PCP4: variants seen among roughly 807,000 people sequenced by gnomAD.
PCP4 encodes calmodulin regulator protein PCP4.
In PCP4, 8 loss-of-function variants were observed where a neutral mutation model predicts 10.0. The observed-to-expected ratio is 0.80, with a 90% confidence interval of 0.47 to 1.45. The LOEUF (loss-of-function observed/expected upper bound fraction) is 1.45. Ranked by LOEUF, PCP4 falls within the 40% of genes most tolerant of loss-of-function variation. PCP4 has a pLI of 0.00. For synonymous variants in PCP4, 21 were observed against 23.0 expected (o/e 0.91, Z 0.24); for missense variants, 54 against 74.4 (o/e 0.73, Z 1.01).
chr21:39,913,049 A>C (rs972223865), intron 2 of PCP4, among the ~76,000 whole-genome samples: 8 of 152,182 alleles, frequency 5.3e-5, no homozygotes, highest in African/African-American at 1.7e-4. Flanking sequence ...AGGTTACTAT[A>C]TGTAGTTCAG....
chr21:39,893,611 C>T (rs2087443704), intron 1 of PCP4, among the ~76,000 whole-genome samples: 1 of 152,306 alleles, frequency 6.6e-6, no homozygotes, highest in Admixed American at 6.5e-5. Flanking sequence ...TGGCACAGGG[C>T]CAAGGATGCA....
intron 2 of PCP4, among the ~76,000 whole-genome samples, chr21:39,915,677 C>G (rs921099760): frequency 3.9e-5 from 6 of 152,128 alleles, no homozygotes; most frequent in Non-Finnish European, 1.5e-5. Flanking sequence ...GCCATTGCAC[C>G]TACATTTCAG....
In PCP4 at chr21:39,898,507, A is replaced by G; in HGVS notation, c.41A>G (p.Asp14Gly). Residue 14 changes from aspartate to glycine, a missense_variant, in exon 2 of 3, where the codon GAC (aspartate) becomes GGC (glycine). Transcript: ENST00000328619. ...RQGAGATNGK[D>G]KTSGENDGQK... ...GGTGCTGGGGCAACCAATGGAAAAG[A>G]CAAGACATCTGGTGAAAATGGTAAG... The G allele has an allele frequency of 1.2e-6, 2 of 1,614,104 alleles. No individual in the cohort carries two copies. The highest frequency in any genetic ancestry group is 1.1e-5 in the South Asian group (1 of 91,072).
chr21:39,927,445 T>C (rs904901868), intron 2 of PCP4, among the ~76,000 whole-genome samples: 9 of 152,146 alleles, frequency 5.9e-5, no homozygotes, highest in Non-Finnish European at 1.2e-4. Flanking sequence ...CCTCAAGTCC[T>C]CAAGGAACCC....
At chr21:39,894,265 C>T (rs1253810671) in intron 1 of PCP4, among the ~76,000 whole-genome samples, 2 of 152,172 alleles carry the variant, frequency 1.3e-5, no homozygotes, top group Non-Finnish European at 1.5e-5. Flanking sequence ...CTACTACCTG[C>T]TTCCCCAGAA....
chr21:39,897,768 C>T (rs533520980), intron 1 of PCP4, among the ~76,000 whole-genome samples: 9 of 151,804 alleles, frequency 5.9e-5, no homozygotes, highest in Non-Finnish European at 5.9e-5. Context: ...GACATTGGGC[C>T]GGGCGCGGTG....
At chr21:39,872,788 C>T (rs986067377) in intron 1 of PCP4, among the ~76,000 whole-genome samples, 1 of 152,186 alleles carries the variant, frequency 6.6e-6, no homozygotes, top group Non-Finnish European at 1.5e-5. Context: ...CAGGCACCCT[C>T]TTCTCTAAAT....
rs1670520887 is a variant in PCP4, at chr21:39,909,418, T to C, written c.61+10891T>C. ...GCCAAATTATTTGCATATCACTAGGTTTAATTTTAAAATTGTATTTCCTTT... is the reference window on the plus strand; with the variant it reads ...GCCAAATTATTTGCATATCACTAGGCTTAATTTTAAAATTGTATTTCCTTT... On this transcript the variant is annotated intron_variant, in intron 2 of 2. Transcript: ENST00000328619. Among the ~76,000 whole-genome samples the C allele has an allele frequency of 2.0e-5, 3 of 152,332 alleles. No homozygotes were observed. In the South Asian group the frequency reaches 6.2e-4, roughly 32 times the overall value.
intron 2 of PCP4, among the ~76,000 whole-genome samples, chr21:39,907,071 A>C (rs1470717395): frequency 6.6e-6 from 1 of 152,198 alleles, no homozygotes; most frequent in African/African-American, 2.4e-5. Context: ...GATGGTTTAA[A>C]TTTGTAGGTT....
intron 2 of PCP4, among the ~76,000 whole-genome samples, chr21:39,909,200 A>G (rs1198211884): frequency 2.0e-5 from 3 of 152,302 alleles, no homozygotes; most frequent in East Asian, 3.9e-4. Context: ...AGGAGTAGAT[A>G]TTACAGTTAT....
intron 2 of PCP4, among the ~76,000 whole-genome samples, chr21:39,927,458 G>A (rs995577866): frequency 1.3e-5 from 2 of 152,086 alleles, no homozygotes; most frequent in Non-Finnish European, 2.9e-5. Flanking sequence ...AGGAACCCCA[G>A]CTTCCTCCAC....
At chr21:39,869,868 A>G (rs189708751) in intron 1 of PCP4, among the ~76,000 whole-genome samples, 1,534 of 152,306 alleles carry the variant, frequency 0.01, 22 homozygotes, top group African/African-American at 0.035. Context: ...ATTTACTTGC[A>G]TGTGTGACTA....
At chr21:39,922,097 C>T (rs1182604867) in intron 2 of PCP4, among the ~76,000 whole-genome samples, 2 of 152,198 alleles carry the variant, frequency 1.3e-5, no homozygotes, top group African/African-American at 2.4e-5. Flanking sequence ...AGTGACCCTC[C>T]TGCCTCGGCC....
At chr21:39,901,265 T>G (rs1040308578) in intron 2 of PCP4, among the ~76,000 whole-genome samples, 4 of 152,188 alleles carry the variant, frequency 2.6e-5, no homozygotes, top group Non-Finnish European at 5.9e-5. Flanking sequence ...CCAAAAATGT[T>G]TTTGATCTTT....
intron 2 of PCP4, among the ~76,000 whole-genome samples, chr21:39,905,198 C>T (rs556915319): frequency 2.6e-4 from 40 of 152,156 alleles, no homozygotes; most frequent in Admixed American, 4.6e-4. Flanking sequence ...CTCCGGTCTC[C>T]ATCTGGAGGT....
chr21:39,887,613 G>C (rs949857658), intron 1 of PCP4, among the ~76,000 whole-genome samples: 5 of 152,120 alleles, frequency 3.3e-5, no homozygotes, highest in African/African-American at 9.7e-5. Context: ...CAATGTTCCT[G>C]AGAATCCATT....
At chr21:39,891,015 A>G (rs2087427836) in intron 1 of PCP4, among the ~76,000 whole-genome samples, 2 of 152,162 alleles carry the variant, frequency 1.3e-5, no homozygotes, top group Non-Finnish European at 2.9e-5. Context: ...CAGCTCCTAA[A>G]TGTAGCATAC....
At chr21:39,896,755 A>G (rs951387451) in intron 1 of PCP4, among the ~76,000 whole-genome samples, 5 of 152,174 alleles carry the variant, frequency 3.3e-5, no homozygotes, top group African/African-American at 1.2e-4. Flanking sequence ...GAGATGATAC[A>G]TTTACCATTA....
At chr21:39,880,300 G>T (rs1302628484) in intron 1 of PCP4, among the ~76,000 whole-genome samples, 1 of 152,152 alleles carries the variant, frequency 6.6e-6, no homozygotes, top group African/African-American at 2.4e-5. Context: ...CTTTCAAGTT[G>T]GTTTGGAGGA....
Sources: gnomAD v4.1 joint callset for allele counts (sites outside exome capture counted in the v4.1 genomes callset) on GRCh38, gnomAD v4.1.1 for gene constraint, MANE v1.5 for transcripts, NCBI Gene and HGNC (gene_info 2026-07-23, HGNC 2026-07-21) for gene names.